The following ENTREP2 variants were observed in gnomAD, a reference collection of about 807,000 sequenced individuals.
ENTREP2 encodes protein ENTREP2.
At chr15:29,340,297 C>G in the ENTREP2 span, among the ~76,000 whole-genome samples, 1 of 152,118 alleles carries the variant, frequency 6.6e-6, no homozygotes, top group African/African-American at 2.4e-5. Context: ...GTATCAGGAA[C>G]GACATCTCAG....
the ENTREP2 span, among the ~76,000 whole-genome samples, chr15:29,652,914 G>C: frequency 4.6e-5 from 7 of 152,150 alleles, no homozygotes; most frequent in African/African-American, 1.7e-4. Context: ...TGAATAGACT[G>C]GATCAAAAGT....
chr15:29,665,377 G>C, the ENTREP2 span, among the ~76,000 whole-genome samples: 1 of 152,228 alleles, frequency 6.6e-6, no homozygotes, highest in South Asian at 2.1e-4. Context: ...TCTGGTGTCT[G>C]TTAACTAGCC....
chr15:29,343,334 G>C, the ENTREP2 span, among the ~76,000 whole-genome samples: 1 of 151,930 alleles, frequency 6.6e-6, no homozygotes, highest in Admixed American at 6.6e-5. Context: ...ATACTGCGGG[G>C]GGCCTCATCC....
chr15:29,231,456 C>CATATCAT, the ENTREP2 span, among the ~76,000 whole-genome samples: 1 of 152,062 alleles, frequency 6.6e-6, no homozygotes, highest in African/African-American at 2.4e-5. Context: ...TCTCATATCC[C>CATATCAT]ATATCATATG....
the ENTREP2 span, among the ~76,000 whole-genome samples, chr15:29,304,544 T>C: frequency 6.6e-6 from 1 of 152,214 alleles, no homozygotes; most frequent in Non-Finnish European, 1.5e-5. Context: ...ACAGCCATCT[T>C]ACCTGTTCCC....
the ENTREP2 span, chr15:29,128,859 T>A: frequency 1.3e-6 from 2 of 1,549,956 alleles, no homozygotes; most frequent in Non-Finnish European, 1.7e-6. Context: ...GACCTATACT[T>A]GTAACCTACA....
At chr15:29,641,354 G>C in the ENTREP2 span, among the ~76,000 whole-genome samples, 3 of 151,988 alleles carry the variant, frequency 2.0e-5, no homozygotes, top group African/African-American at 7.2e-5. Context: ...AAATTGGAAA[G>C]GAAAAAATAA....
the ENTREP2 span, among the ~76,000 whole-genome samples, chr15:29,165,723 C>T: frequency 6.6e-6 from 1 of 151,948 alleles, no homozygotes; most frequent in Admixed American, 6.6e-5. Context: ...CACGACCAGA[C>T]AGATTCTAAG....
At chr15:29,508,023 G>A in the ENTREP2 span, among the ~76,000 whole-genome samples, 2 of 152,178 alleles carry the variant, frequency 1.3e-5, no homozygotes, top group South Asian at 4.2e-4. Context: ...AAGAGGAAAA[G>A]AGAGAAAACT....
At chr15:29,366,877 G>A in the ENTREP2 span, among the ~76,000 whole-genome samples, 1 of 152,192 alleles carries the variant, frequency 6.6e-6, no homozygotes, top group Non-Finnish European at 1.5e-5. Flanking sequence ...TGAACAACAA[G>A]TGATTCCTAT....
At chr15:29,500,038 A>G in the ENTREP2 span, among the ~76,000 whole-genome samples, 2 of 152,194 alleles carry the variant, frequency 1.3e-5, no homozygotes, top group African/African-American at 2.4e-5. Context: ...AGGTCAAGTC[A>G]TTAAGAAAAT....
the ENTREP2 span, among the ~76,000 whole-genome samples, chr15:29,384,277 C>T: frequency 6.6e-6 from 1 of 152,152 alleles, no homozygotes; most frequent in East Asian, 1.9e-4. Context: ...AAATTTCTGA[C>T]CATAATGCCA....
chr15:29,343,605 C>A, the ENTREP2 span, among the ~76,000 whole-genome samples: 1 of 151,576 alleles, frequency 6.6e-6, no homozygotes, highest in Non-Finnish European at 1.5e-5. Flanking sequence ...TTTCTCTCTC[C>A]CTCTCTGTCT....
the ENTREP2 span, among the ~76,000 whole-genome samples, chr15:29,571,574 A>T: frequency 6.6e-6 from 1 of 152,208 alleles, no homozygotes; most frequent in Admixed American, 6.5e-5. Flanking sequence ...GCCAGGACAC[A>T]CACGATGTCC....
At chr15:29,461,858 A>T in the ENTREP2 span, among the ~76,000 whole-genome samples, 1 of 152,108 alleles carries the variant, frequency 6.6e-6, no homozygotes, top group Non-Finnish European at 1.5e-5. Context: ...ACCCATCTTC[A>T]GAACGTCTTC....
the ENTREP2 span, among the ~76,000 whole-genome samples, chr15:29,203,514 T>C: frequency 6.6e-6 from 1 of 152,204 alleles, no homozygotes; most frequent in Non-Finnish European, 1.5e-5. Context: ...TGGTATCTCA[T>C]TGTGGTTTTT....
the ENTREP2 span, among the ~76,000 whole-genome samples, chr15:29,481,665 T>C: frequency 6.6e-6 from 1 of 152,076 alleles, no homozygotes; most frequent in Non-Finnish European, 1.5e-5. Flanking sequence ...CTAAGTGCAC[T>C]CTGGGGGTTG....
chr15:29,402,306 GTGTGTGTGTGTGTA>G, the ENTREP2 span, among the ~76,000 whole-genome samples: 1 of 141,372 alleles, frequency 7.1e-6, no homozygotes, highest in Admixed American at 7.5e-5. Flanking sequence ...GTGTGTGTGT[GTGTGTGTGTGTGTA>G]TATATGTATA....
chr15:29,242,527 ATTAAT>A, the ENTREP2 span, among the ~76,000 whole-genome samples: 1 of 152,178 alleles, frequency 6.6e-6, no homozygotes, highest in African/African-American at 2.4e-5. Context: ...CTCTTTTCTA[ATTAAT>A]TTAAGTGAAA....
Sources: gnomAD v4.1 joint callset for allele counts (sites outside exome capture counted in the v4.1 genomes callset) on GRCh38, gnomAD v4.1.1 for gene constraint, MANE v1.5 for transcripts, NCBI Gene and HGNC (gene_info 2026-07-23, HGNC 2026-07-21) for gene names.